PARVB: variants seen among roughly 807,000 people sequenced by gnomAD.
PARVB encodes parvin beta.
Under a neutral mutation model 47.0 loss-of-function variants are expected in PARVB, and 46 were observed. The ratio of observed to expected loss-of-function variants is 0.98; its 90% CI spans 0.77 to 1.25. The LOEUF is 1.25. Among genes scored for constraint, PARVB ranks in the 50% most tolerant of loss-of-function variants. The pLI, the probability that PARVB is intolerant of heterozygous loss-of-function variation, is 0.00. For missense variants in PARVB, 473 were observed against 471.6 expected, an observed-to-expected ratio of 1.00 and a Z score of -0.03; for synonymous variants, 196 against 196.3, an observed-to-expected ratio of 1.00 and a Z score of 0.01.
At chr22:44,156,753 G>A (rs1346817112) in intron 10 of PARVB, among the ~76,000 whole-genome samples, 1 of 152,162 alleles carries the variant, frequency 6.6e-6, no homozygotes, top group Non-Finnish European at 1.5e-5. Flanking sequence ...TAAAGAGAAA[G>A]GTTAGCATAA....
chr22:44,168,428 TC>T (rs1435883961), intron 12 of PARVB, among the ~76,000 whole-genome samples, 173 bp from the exon 13 acceptor site: 1 of 152,066 alleles, frequency 6.6e-6, no homozygotes, highest in Non-Finnish European at 1.5e-5. Flanking sequence ...AACCTGTGTG[TC>T]TGGGGAGGCA....
intron 1 of PARVB, among the ~76,000 whole-genome samples, chr22:44,077,142 A>T (rs1458121022): frequency 1.3e-5 from 2 of 152,156 alleles, no homozygotes; most frequent in Non-Finnish European, 2.9e-5. Context: ...AAACAACAGA[A>T]ACATAGTCTG....
At chr22:44,131,692 C>T in intron 5 of PARVB, 65 bp downstream of exon 5, 1 of 1,497,084 alleles carries the variant, frequency 6.7e-7, no homozygotes. Flanking sequence ...CATTCGTCAT[C>T]CACATTTGTC....
At chr22:44,053,684 T>G (rs765121271) in intron 1 of PARVB, among the ~76,000 whole-genome samples, 1 of 152,094 alleles carries the variant, frequency 6.6e-6, no homozygotes, top group Non-Finnish European at 1.5e-5. Context: ...GAGGGCTCAG[T>G]CTCCCAAGAC....
At chr22:44,015,620 AC>A (rs2050568424) in intron 2 of PARVB, among the ~76,000 whole-genome samples, 1 of 152,182 alleles carries the variant, frequency 6.6e-6, no homozygotes, top group South Asian at 2.1e-4. Flanking sequence ...GGAGTTTGAG[AC>A]CAGCCTGGCC....
rs1243803106 is a variant in PARVB, at chr22:44,101,426, AAAAATAAAATAT to A, written c.273+1315_273+1326del. 4.6e-3 allele frequency among the ~76,000 whole-genome samples: 689 copies of A among 149,752 alleles called. 4 individuals are homozygous for A. The highest frequency in any genetic ancestry group is 0.016 in the African/African-American group (646 of 40,544). ...CCGTCTCAAAAAAAAATAAAAAATA[AAAAATAAAATAT>A]AAAATAAAATAAAATAAAATCTACA... is the stretch of plus-strand genomic sequence containing the variant. On this transcript the variant is annotated intron_variant, in intron 3 of 12. Coordinates refer to ENST00000338758, the MANE Select transcript of PARVB (RefSeq NM_013327.5).
intron 1 of PARVB, among the ~76,000 whole-genome samples, chr22:44,037,249 C>T (rs6006480): frequency 0.33 from 50,597 of 151,672 alleles, 10,058 homozygotes; most frequent in African/African-American, 0.55. Flanking sequence ...ATGGTGAAAC[C>T]TTGTCTCTAC....
intron 1 of PARVB, among the ~76,000 whole-genome samples, chr22:44,052,526 A>C (rs1043519132): frequency 3.3e-5 from 5 of 152,210 alleles, no homozygotes; most frequent in East Asian, 1.9e-4. Context: ...GATCCAGAGA[A>C]TATTTCAGCC....
chr22:44,023,696 C>G (rs998403504), upstream of PARVB, among the ~76,000 whole-genome samples: 2 of 152,164 alleles, frequency 1.3e-5, no homozygotes, highest in African/African-American at 4.8e-5. Context: ...CCCTCCCTGG[C>G]ACCCCACACT....
At chr22:44,060,975 T>A (rs558143087) in intron 1 of PARVB, among the ~76,000 whole-genome samples, 162 of 152,328 alleles carry the variant, frequency 1.1e-3, no homozygotes, top group Non-Finnish European at 2.0e-3. Flanking sequence ...ATTTAAAATG[T>A]ATTGTTGATT....
At chr22:44,146,349 TCA>T (rs372580407) in intron 8 of PARVB, 1,483 of 104,500 alleles carry the variant, frequency 0.014, 21 homozygotes, top group African/African-American at 0.045. Flanking sequence ...ACACAGGTGC[TCA>T]CACACACACA....
intron 4 of PARVB, among the ~76,000 whole-genome samples, chr22:44,123,015 C>T (rs1385564411): frequency 2.0e-5 from 3 of 152,202 alleles, no homozygotes; most frequent in African/African-American, 7.2e-5. Flanking sequence ...TAATGGGTTG[C>T]TTCCTTGAGC....
intron 1 of PARVB, among the ~76,000 whole-genome samples, chr22:44,056,735 G>A (rs1414593805): frequency 1.3e-5 from 2 of 151,628 alleles, no homozygotes; most frequent in Non-Finnish European, 2.9e-5. Flanking sequence ...CGAACCCCTG[G>A]GCTCAAGTGA....
intron 4 of PARVB, among the ~76,000 whole-genome samples, chr22:44,123,898 G>T (rs535787112): frequency 5.9e-5 from 9 of 152,258 alleles, no homozygotes; most frequent in Admixed American, 1.3e-4. Flanking sequence ...TACGTGGATG[G>T]AGCCCCTGGC....
chr22:44,075,845 A>G (rs1373510791), intron 1 of PARVB, among the ~76,000 whole-genome samples: 2 of 152,206 alleles, frequency 1.3e-5, no homozygotes, highest in Admixed American at 6.5e-5. Flanking sequence ...TTTGCCTCCC[A>G]GAGGATCCGC....
intron 1 of PARVB, among the ~76,000 whole-genome samples, chr22:44,072,230 A>T (rs1475499822): frequency 6.6e-6 from 1 of 152,018 alleles, no homozygotes; most frequent in South Asian, 2.1e-4. Flanking sequence ...GGCTATTGGG[A>T]GGCTGAGCGA....
At chr22:44,131,419 G>A in intron 4 of PARVB, 68 bp from the exon 5 acceptor site, 1 of 1,562,128 alleles carries the variant, frequency 6.4e-7, no homozygotes, top group South Asian at 1.2e-5. Context: ...TGGGATTACA[G>A]GCATGAGCCA....
At chr22:44,098,292 G>A (rs1200944526) in intron 2 of PARVB, among the ~76,000 whole-genome samples, 1 of 152,176 alleles carries the variant, frequency 6.6e-6, no homozygotes, top group Non-Finnish European at 1.5e-5. Flanking sequence ...TGGTCCAGAG[G>A]GGGTCTCAGA....
intron 1 of PARVB, among the ~76,000 whole-genome samples, chr22:44,037,803 G>A (rs112747000): frequency 9.8e-5 from 15 of 152,324 alleles, no homozygotes; most frequent in Non-Finnish European, 1.9e-4. Context: ...TTAGGAAGAC[G>A]CGCTAGAGGA....
Sources: allele counts gnomAD v4.1 joint callset (sites outside exome capture counted in the v4.1 genomes callset), GRCh38; gene constraint gnomAD v4.1.1; transcripts MANE v1.5; gene names NCBI Gene and HGNC (gene_info 2026-07-23, HGNC 2026-07-21).